The following FIGN variants were observed in gnomAD, a reference collection of about 807,000 sequenced individuals.
FIGN encodes the protein fidgetin.
Under a neutral mutation model 51.3 loss-of-function variants are expected in FIGN, and 11 were observed. The ratio of observed to expected loss-of-function variants is 0.21; its 90% CI spans 0.13 to 0.35. The LOEUF (loss-of-function observed/expected upper bound fraction) is 0.35. Among genes scored for constraint, FIGN ranks in the 10% least tolerant of loss-of-function variants. The pLI is 1.00. For synonymous variants in FIGN, 407 were observed against 363.2 expected (o/e 1.12, Z -1.37); for missense variants, 857 against 943.6 (o/e 0.91, Z 1.20).
chr2:163,695,595 G>C (rs977784061), intron 2 of FIGN, among the ~76,000 whole-genome samples: 2 of 152,112 alleles, frequency 1.3e-5, no homozygotes, highest in Non-Finnish European at 2.9e-5. Context: ...GCACACATCT[G>C]AAAATGAAAG....
At position 163,610,501 on chromosome 2, in the gene FIGN, C is replaced by A; in HGVS notation, c.1331G>T (p.Gly444Val). The A allele has an allele frequency of 3.1e-6, 5 of 1,614,094 alleles. No homozygotes were observed. Among genetic ancestry groups the A allele is most frequent in the Non-Finnish European group, 3.4e-6 (4 of 1,180,006 alleles). Reference sequence around the variant, plus strand: ...TGAGGTAGCTGCACGGAGTCCAGGGCCTTGCATTGGGTGAGAGAGGAGCTG... The same window carrying A: ...TGAGGTAGCTGCACGGAGTCCAGGGACTTGCATTGGGTGAGAGAGGAGCTG... ...HRQLLSHPMQ[G>V]PGLRAATSSN... Residue 444 changes from glycine (G) to valine (V), a missense_variant, in exon 3 of 3, where the codon GGC becomes GTC. Physicochemically the swap from Gly to Val is moderately radical, Grantham distance 109. Coordinates refer to ENST00000333129, the MANE Select transcript of FIGN (RefSeq NM_018086.4).
rs1483829210 is a variant in FIGN at position 163,697,100 on chromosome 2, CTTTCTTTTTTTT to C, written c.25+37791_25+37802del. Among the ~76,000 whole-genome samples the C allele has an allele frequency of 2.5e-4, 27 of 108,412 alleles. 1 individual carries two copies. In the East Asian group the frequency reaches 7.3e-3, roughly 29 times the overall value. 71.1% of individuals were successfully genotyped at this position (108,412 alleles called of 152,430 possible). ...GTCATAATTTTTTTTCTTTTCTTTT[CTTTCTTTTTTTT>C]TTTTTTTTGAGACGGGTTCTCACTA... On this transcript the variant is annotated intron_variant, in intron 2 of 2. Coordinates refer to ENST00000333129, the MANE Select transcript of FIGN (RefSeq NM_018086.4).
At chr2:163,711,450 C>A (rs186561638) in intron 2 of FIGN, among the ~76,000 whole-genome samples, 5 of 152,098 alleles carry the variant, frequency 3.3e-5, no homozygotes, top group Admixed American at 2.6e-4. Context: ...AACAGGGACG[C>A]GAGAAGTAGT....
In FIGN at chr2:163,735,083, A is replaced by G; in HGVS notation, c.-145-11T>C. Reference sequence around the variant, plus strand: ...AGGTATTCATTTAACCTACATGCATATAATTAAGGGGGAAAGCAACATCAA... The same window carrying G: ...AGGTATTCATTTAACCTACATGCATGTAATTAAGGGGGAAAGCAACATCAA... On this transcript the variant is annotated splice_polypyrimidine_tract_variant and intron_variant, in intron 1 of 2. Coordinates refer to ENST00000333129, the MANE Select transcript of FIGN (RefSeq NM_018086.4). 3.5e-6 allele frequency: 2 copies of G among 570,984 alleles called. No homozygotes were observed. Among genetic ancestry groups the G allele is most frequent in the Non-Finnish European group, 6.0e-6 (2 of 333,322 alleles). The allele number at this position is 570,984 out of a possible 1,614,324, so 35.4% of individuals were successfully genotyped here.
chr2:163,657,091 G>A lies in FIGN; in HGVS notation c.26-45285C>T, dbSNP rs139300335. ...TCTTTTGTCCTCTGAAGAATGTGAC[G>A]TTACTGTAGACTCTCCTCCAAGAGA... On this transcript the variant is annotated intron_variant, in intron 2 of 2. Transcript: ENST00000333129. 5.8e-3 allele frequency among the ~76,000 whole-genome samples: 858 copies of A among 147,310 alleles called. 8 individuals are homozygous for A. The highest frequency in any genetic ancestry group is 0.02 in the African/African-American group (777 of 39,658).
chr2:163,699,751 C>T (rs1478067107), intron 2 of FIGN, among the ~76,000 whole-genome samples: 2 of 152,054 alleles, frequency 1.3e-5, no homozygotes, highest in Non-Finnish European at 2.9e-5. Flanking sequence ...AATAGAAGAG[C>T]TATTGCCAAA....
intron 2 of FIGN, among the ~76,000 whole-genome samples, chr2:163,690,317 T>C (rs1409548406): frequency 6.6e-6 from 1 of 152,150 alleles, no homozygotes; most frequent in Non-Finnish European, 1.5e-5. Flanking sequence ...ATAGGTTATA[T>C]CTTCAATATA....
At chr2:163,675,242 C>T (rs976016832) in intron 2 of FIGN, among the ~76,000 whole-genome samples, 2 of 152,136 alleles carry the variant, frequency 1.3e-5, no homozygotes, top group Admixed American at 1.3e-4. Context: ...TTTTTAATTG[C>T]TCTGTTTAAT....
Position 163,610,796 on chromosome 2 carries a change from T to A in FIGN, c.1036A>T (p.Ser346Cys), listed in dbSNP as rs1284602103. 1 of 1,614,028 alleles carries A rather than the reference T, an allele frequency of 6.2e-7. No individual in the cohort carries two copies. The highest frequency in any genetic ancestry group is 8.5e-7 in the Non-Finnish European group (1 of 1,180,020). ...YSYGQQRSTQSPMYRMPDNSI... is the reference protein window; with the variant it reads ...YSYGQQRSTQCPMYRMPDNSI... ...TTGTCGGGCATTCTGTACATAGGACTCTGTGTAGATCTCTGTTGGCCATAG... is the reference window on the plus strand; with the variant it reads ...TTGTCGGGCATTCTGTACATAGGACACTGTGTAGATCTCTGTTGGCCATAG... Residue 346 changes from serine to cysteine, a missense_variant, in exon 3 of 3, where the codon AGT becomes TGT. By Grantham distance (112) the Ser-to-Cys change is moderately radical (BLOSUM62 -1). Around this residue, in one of 3 missense-constraint regions of FIGN, gnomAD observed 799 missense variants for 849.5 expected, o/e 0.94. Coordinates refer to ENST00000333129, the MANE Select transcript of FIGN (RefSeq NM_018086.4).
At position 163,660,756 on chromosome 2, in the gene FIGN, TATACATATATATGTATAC is replaced by T. The variant is rs1488123544; in HGVS notation, c.26-48968_26-48951del. Reference sequence around the variant, plus strand: ...ACATATACATATATATGTATACACATATACATATATATGTATACACATATACATATATATGTATATAGA... The same window carrying T: ...ACATATACATATATATGTATACACATACATATACATATATATGTATATAGA... On this transcript the variant is annotated intron_variant, in intron 2 of 2. Coordinates refer to ENST00000333129, the MANE Select transcript of FIGN (RefSeq NM_018086.4). Among the ~76,000 whole-genome samples, 138 of 103,490 alleles carry T rather than the reference TATACATATATATGTATAC, an allele frequency of 1.3e-3. 25 individuals carry two copies. Among genetic ancestry groups the T allele is most frequent in the African/African-American group, 4.4e-3 (129 of 29,488 alleles). 67.9% of individuals were successfully genotyped at this position (103,490 alleles called of 152,430 possible).
intron 2 of FIGN, among the ~76,000 whole-genome samples, chr2:163,656,110 C>T (rs1174636893): frequency 2.0e-5 from 3 of 152,120 alleles, no homozygotes; most frequent in Admixed American, 6.6e-5. Context: ...TATAATATCT[C>T]CCCAAGACTC....
intron 2 of FIGN, among the ~76,000 whole-genome samples, chr2:163,711,833 G>A (rs916793071): frequency 6.6e-6 from 1 of 152,142 alleles, no homozygotes; most frequent in Non-Finnish European, 1.5e-5. Context: ...TAGAGGAAAT[G>A]CATATTTAGA....
rs1691208506 is a variant in FIGN, at chr2:163,610,200, C to T, written c.1632G>A (p.Gly544=). The change falls in exon 3 of 3, where the codon GGG becomes GGA. Residue 544 remains glycine (G), a synonymous_variant. Coordinates refer to ENST00000333129, the MANE Select transcript of FIGN (RefSeq NM_018086.4). Reference sequence around the variant, plus strand: ...AACCGGCAATTTTGAAAAATGTGGCCCCCAGCTGACTAGCGATGCATCTGC... The same window carrying T: ...AACCGGCAATTTTGAAAAATGTGGCTCCCAGCTGACTAGCGATGCATCTGC... The part of the protein sequence containing the change: ...LLGRCIASQL[G]ATFFKIAGSG... The T allele has an allele frequency of 2.5e-6, 4 of 1,614,092 alleles. No homozygotes were observed. The highest frequency in any genetic ancestry group is 3.4e-6 in the Non-Finnish European group (4 of 1,180,018).
At chr2:163,697,100 C>CTTTTTTTTTTTTTTTTTTTTTTTTTTTTT (rs1258378034) in intron 2 of FIGN, among the ~76,000 whole-genome samples, 1 of 108,432 alleles carries the variant, frequency 9.2e-6, no homozygotes, top group Non-Finnish European at 1.9e-5. Flanking sequence ...CTTTTCTTTT[C>CTTTTTTTTTTTTTTTTTTTTTTTTTTTTT]TTTCTTTTTT....
At chr2:163,668,729 A>G (rs1450372101) in intron 2 of FIGN, among the ~76,000 whole-genome samples, 1 of 152,080 alleles carries the variant, frequency 6.6e-6, no homozygotes, top group Non-Finnish European at 1.5e-5. Flanking sequence ...TCACGAGGTC[A>G]GGAGATTGAG....
intron 2 of FIGN, among the ~76,000 whole-genome samples, chr2:163,615,426 A>G (rs1682858784): frequency 6.6e-6 from 1 of 152,162 alleles, no homozygotes; most frequent in African/African-American, 2.4e-5. Context: ...GGTTCCTTGA[A>G]TTTTAACACT....
At chr2:163,617,010 A>T (rs541003181) in intron 2 of FIGN, 2 of 660,144 alleles carry the variant, frequency 3.0e-6, no homozygotes, top group African/African-American at 2.0e-5. Flanking sequence ...CTTCAATGGG[A>T]GTGATGACCA....
In FIGN at chr2:163,611,532, G is replaced by A. The variant is rs758092785; in HGVS notation, c.300C>T (p.Asn100=). The A allele has an allele frequency of 9.3e-6, 15 of 1,614,188 alleles. No homozygotes were observed. The highest frequency in any genetic ancestry group is 1.6e-4 in the Middle Eastern group (1 of 6,062). ...AGGGTTCACTTTCATTTTTCCGACC[G>A]TTCACTAGTCCTGATGGTGTGTCCG... ...NYSDTPSGLV[N]GRKNESEPWQ... Residue 100 remains asparagine, a synonymous_variant, in exon 3 of 3, where the codon AAC becomes AAT. Coordinates refer to ENST00000333129, the MANE Select transcript of FIGN (RefSeq NM_018086.4).
At chr2:163,649,829 T>C (rs766095030) in intron 2 of FIGN, among the ~76,000 whole-genome samples, 9 of 152,324 alleles carry the variant, frequency 5.9e-5, no homozygotes, top group Admixed American at 2.0e-4. Context: ...TGTTAGTAAC[T>C]GAAGCTTATC....
Sources: gnomAD v4.1 joint callset for allele counts (sites outside exome capture counted in the v4.1 genomes callset) on GRCh38, gnomAD v4.1.1 for gene constraint, gnomAD v4.1.1 regional missense constraint, MANE v1.5 for transcripts, NCBI Gene and HGNC (gene_info 2026-07-23, HGNC 2026-07-21) for gene names.